The following CALN1 variants were observed in gnomAD, a reference collection of about 807,000 sequenced individuals.
The protein encoded by CALN1 is calneuron 1, also known as calcium-binding protein 8.
Under a neutral mutation model 30.6 loss-of-function variants are expected in CALN1, and 17 were observed. The observed-to-expected ratio is 0.56, with a 90% confidence interval of 0.38 to 0.83. The LOEUF is 0.83. Ranked by LOEUF, CALN1 falls within the 40% of genes least tolerant of loss-of-function variation. The probability of loss-of-function intolerance (pLI) is 0.00; values close to 1 mark genes in which losing one functional copy is unlikely to be tolerated. For missense variants in CALN1, 291 were observed against 354.9 expected (o/e 0.82, Z 1.45); for synonymous variants, 156 against 131.4 (o/e 1.19, Z -1.28).
At chr7:71,891,788 A>G (rs1041212374) in intron 5 of CALN1, among the ~76,000 whole-genome samples, 1 of 152,152 alleles carries the variant, frequency 6.6e-6, no homozygotes, top group Non-Finnish European at 1.5e-5. Flanking sequence ...TACTAAAAAT[A>G]CAAAAATTAG....
At chr7:72,428,855 G>A (rs561320154) in intron 1 of CALN1, among the ~76,000 whole-genome samples, 1 of 152,212 alleles carries the variant, frequency 6.6e-6, no homozygotes, top group East Asian at 1.9e-4. Context: ...AAATGCTAGA[G>A]GGACCTATCA....
At chr7:72,081,724 C>T (rs905022540) in intron 4 of CALN1, among the ~76,000 whole-genome samples, 6 of 152,046 alleles carry the variant, frequency 3.9e-5, no homozygotes, top group South Asian at 2.1e-4. Flanking sequence ...AAGAAACCTA[C>T]TGAGAACAGC....
At chr7:72,280,605 C>G (rs1363479431) in intron 2 of CALN1, among the ~76,000 whole-genome samples, 2 of 152,206 alleles carry the variant, frequency 1.3e-5, no homozygotes, top group South Asian at 2.1e-4. Context: ...ATTAGGACTA[C>G]TCTATCTTTT....
At chr7:72,411,421 G>A (rs767883645) in intron 1 of CALN1, among the ~76,000 whole-genome samples, 4 of 152,132 alleles carry the variant, frequency 2.6e-5, no homozygotes, top group Non-Finnish European at 4.4e-5. Context: ...GAAAAGAGCT[G>A]TAAATATAAC....
intron 5 of CALN1, among the ~76,000 whole-genome samples, chr7:71,962,761 G>C (rs961845791): frequency 6.6e-6 from 1 of 152,132 alleles, no homozygotes; most frequent in African/African-American, 2.4e-5. Context: ...TTTATCTACA[G>C]TATGTCACAG....
chr7:72,162,603 G>A (rs532194248), intron 3 of CALN1, among the ~76,000 whole-genome samples: 8 of 152,096 alleles, frequency 5.3e-5, no homozygotes, highest in African/African-American at 1.9e-4. Context: ...GCCAGGCATG[G>A]TGGTGCATGC....
chr7:71,782,672 AATT>A lies in CALN1; in HGVS notation c.*5100_*5102del. 1 of 152,188 alleles carries A rather than the reference AATT, an allele frequency of 6.6e-6. No homozygotes were observed. Among genetic ancestry groups the A allele is most frequent in the Non-Finnish European group, 1.5e-5 (1 of 68,036 alleles). 9.4% of individuals were successfully genotyped at this position (152,188 alleles called of 1,614,324 possible). ...GACTGGGTCGGTAAGAGGCAGCCCAAATTCTCCTCTATGTTGCTGTCACTTTAA... is the reference window on the plus strand; with the variant it reads ...GACTGGGTCGGTAAGAGGCAGCCCAACTCCTCTATGTTGCTGTCACTTTAA... On this transcript the variant is annotated 3_prime_UTR_variant, in exon 7 of 7. Coordinates refer to ENST00000395275, the MANE Select transcript of CALN1 (RefSeq NM_031468.4).
chr7:71,811,192 C>T (rs537818616), intron 5 of CALN1, among the ~76,000 whole-genome samples: 9 of 151,906 alleles, frequency 5.9e-5, no homozygotes, highest in Non-Finnish European at 1.0e-4. Flanking sequence ...CCACCACGCC[C>T]GGCCTAATTA....
intron 2 of CALN1, among the ~76,000 whole-genome samples, chr7:72,312,675 C>T (rs749222251): frequency 2.6e-5 from 4 of 151,814 alleles, no homozygotes; most frequent in Non-Finnish European, 4.4e-5. Context: ...GAAAGAAGGA[C>T]AATGGCATCA....
chr7:71,944,157 T>C (rs1272812472), intron 5 of CALN1, among the ~76,000 whole-genome samples: 3 of 152,144 alleles, frequency 2.0e-5, no homozygotes, highest in Non-Finnish European at 4.4e-5. Context: ...TGTTAAACAA[T>C]GCTGCTAGGC....
the CALN1 span, among the ~76,000 whole-genome samples, chr7:72,470,094 A>T: frequency 4.6e-4 from 70 of 152,332 alleles, no homozygotes; most frequent in African/African-American, 1.5e-3. Context: ...ACCATTTTAC[A>T]TTCCCACCAG....
At chr7:72,023,810 A>G in intron 4 of CALN1, 41 bp from the exon 5 acceptor site, 2 of 1,472,318 alleles carry the variant, frequency 1.4e-6, no homozygotes, top group Non-Finnish European at 1.9e-6. Context: ...AAACAAGCTG[A>G]ACTTGACCTA....
At chr7:72,166,766 G>A (rs1271673762) in intron 3 of CALN1, among the ~76,000 whole-genome samples, 1 of 152,174 alleles carries the variant, frequency 6.6e-6, no homozygotes, top group Admixed American at 6.5e-5. Context: ...TAGTCCAGGC[G>A]CGGTGGTGGC....
intron 2 of CALN1, among the ~76,000 whole-genome samples, chr7:72,324,419 G>C (rs1045368628): frequency 1.3e-5 from 2 of 151,842 alleles, no homozygotes; most frequent in African/African-American, 4.8e-5. Flanking sequence ...CGGGGTCACT[G>C]TCCCAATCAT....
chr7:72,180,356 A>C (rs1025166938), intron 3 of CALN1, among the ~76,000 whole-genome samples: 1 of 152,128 alleles, frequency 6.6e-6, no homozygotes, highest in African/African-American at 2.4e-5. Flanking sequence ...ACAGCCCAAA[A>C]TGTGCATTGT....
chr7:72,257,862 G>A (rs1796014975), intron 3 of CALN1, among the ~76,000 whole-genome samples: 1 of 152,156 alleles, frequency 6.6e-6, no homozygotes, highest in African/African-American at 2.4e-5. Flanking sequence ...AAGTAACTCA[G>A]GAAGGGAAAG....
intron 6 of CALN1, among the ~76,000 whole-genome samples, chr7:71,799,346 C>T (rs760387903): frequency 3.9e-5 from 6 of 152,110 alleles, no homozygotes; most frequent in South Asian, 4.1e-4. Context: ...AAGCCAGGCT[C>T]GTCCTGGGTG....
At position 72,292,331 on chromosome 7, in the gene CALN1, G is replaced by A. The variant is rs182087360; in HGVS notation, c.120-13521C>T. On this transcript the variant is annotated intron_variant, in intron 2 of 6. Coordinates refer to ENST00000395275, the MANE Select transcript of CALN1 (RefSeq NM_031468.4). ...CTTCTCATTGTGTCCCCATGAGGTG[G>A]ACAGCAGAGAGCGCTCTGGTCTCTT... 3.3e-5 allele frequency among the ~76,000 whole-genome samples: 5 copies of A among 151,746 alleles called. No individual in the cohort carries two copies. The East Asian group carries it at 9.9e-4, about 30-fold the overall frequency.
chr7:72,297,544 A>AT (rs1001700961), intron 2 of CALN1, among the ~76,000 whole-genome samples: 2 of 152,172 alleles, frequency 1.3e-5, no homozygotes, highest in African/African-American at 4.8e-5. Context: ...AAGAAAGTGG[A>AT]TTTTTTTAGC....
Sources: gnomAD v4.1 joint callset for allele counts (sites outside exome capture counted in the v4.1 genomes callset) on GRCh38, gnomAD v4.1.1 for gene constraint, MANE v1.5 for transcripts, NCBI Gene and HGNC (gene_info 2026-07-23, HGNC 2026-07-21) for gene names.